The following RAD50 variants were observed in gnomAD, a reference collection of about 807,000 sequenced individuals.
The protein encoded by RAD50 is RAD50 double strand break repair protein.
Under a neutral mutation model 168.8 loss-of-function variants are expected in RAD50, and 132 were observed. The observed-to-expected ratio is 0.78, with a 90% CI of 0.68 to 0.90. The LOEUF is 0.90. Ranked by LOEUF, RAD50 falls within the 40% of genes least tolerant of loss-of-function variation. RAD50 has a pLI of 0.00. For synonymous variants in RAD50, 525 were observed against 497.4 expected (o/e 1.06, Z -0.74); for missense variants, 1,347 against 1,534.4 (o/e 0.88, Z 2.04).
intron 10 of RAD50, 52 bp from the exon 11 acceptor site, chr5:132,591,825 A>G (rs1224114175): frequency 3.0e-6 from 4 of 1,330,982 alleles, no homozygotes; most frequent in African/African-American, 1.5e-5. Context: ...TGTTCTTGAT[A>G]TAATGTGGAG....
chr5:132,559,199 T>C, intron 1 of RAD50, 85 bp from the exon 2 acceptor site: 2 of 1,270,760 alleles, frequency 1.6e-6, no homozygotes, highest in Non-Finnish European at 2.2e-6. Context: ...CCATGATAAA[T>C]AATATTTTTG....
chr5:132,626,233 A>G (rs1024460021), intron 21 of RAD50, among the ~76,000 whole-genome samples: 2 of 152,194 alleles, frequency 1.3e-5, no homozygotes, highest in Admixed American at 1.3e-4. Flanking sequence ...AATCTTAGGT[A>G]TTATGAACAG....
intron 21 of RAD50, among the ~76,000 whole-genome samples, chr5:132,629,863 GAC>G (rs1310164427): frequency 6.6e-6 from 1 of 152,044 alleles, no homozygotes; most frequent in Non-Finnish European, 1.5e-5. Flanking sequence ...AGTGGTCAGA[GAC>G]ACATAGATGA....
rs2149836343 is a variant in RAD50, at chr5:132,575,759, C to T, written c.214-18C>T. 1 of 1,575,024 alleles carries T rather than the reference C, an allele frequency of 6.3e-7. No individual in the cohort carries two copies. Among genetic ancestry groups the T allele is most frequent in the South Asian group, 1.1e-5 (1 of 90,272 alleles). The stretch of plus-strand genomic sequence containing the variant: ...CTTATTAAAGTAACATAAGTTTTTT[C>T]TGTGTTTTCCTTCAAAGGTTGCTCA... On this transcript the variant is annotated intron_variant, in intron 2 of 24. Coordinates refer to ENST00000378823, the MANE Select transcript of RAD50 (RefSeq NM_005732.4).
At chr5:132,641,300 C>T (rs554055711) in intron 24 of RAD50, among the ~76,000 whole-genome samples, 3 of 152,102 alleles carry the variant, frequency 2.0e-5, no homozygotes, top group African/African-American at 4.8e-5. Flanking sequence ...AATTGCACAC[C>T]TTTTACCACA....
At chr5:132,596,948 G>A (rs1369882779) in intron 13 of RAD50, among the ~76,000 whole-genome samples, 1 of 152,208 alleles carries the variant, frequency 6.6e-6, no homozygotes, top group Non-Finnish European at 1.5e-5. Context: ...TATGACCTAT[G>A]CTGCAGTAGA....
At position 132,598,104 on chromosome 5, in the gene RAD50, G is replaced by A. The variant is rs140559565; in HGVS notation, c.2207+2294G>A. Among the ~76,000 whole-genome samples the A allele has an allele frequency of 1.7e-4, 26 of 151,082 alleles. No homozygotes were observed. The East Asian group carries it at 5.1e-3, about 29-fold the overall frequency. On this transcript the variant is annotated intron_variant, in intron 13 of 24. Coordinates refer to ENST00000378823, the MANE Select transcript of RAD50 (RefSeq NM_005732.4). ...GCTTTGTCGCCCAGGCTGGAGTACA[G>A]TGGCGCAGTCTTGGCTCACTGCAAT... is the stretch of plus-strand genomic sequence containing the variant.
chr5:132,586,004 T>A (rs1281614663), intron 5 of RAD50, among the ~76,000 whole-genome samples: 1 of 151,942 alleles, frequency 6.6e-6, no homozygotes, highest in Non-Finnish European at 1.5e-5. Context: ...TCAGGTACAG[T>A]TTATAAACTT....
At chr5:132,632,304 A>G (rs1340902292) in intron 21 of RAD50, among the ~76,000 whole-genome samples, 2 of 152,250 alleles carry the variant, frequency 1.3e-5, no homozygotes, top group Non-Finnish European at 2.9e-5. Context: ...ACCACAGAAC[A>G]CACTTCAAGG....
chr5:132,617,157 C>T (rs1213217799), intron 20 of RAD50, among the ~76,000 whole-genome samples: 3 of 152,078 alleles, frequency 2.0e-5, no homozygotes, highest in African/African-American at 7.2e-5. Flanking sequence ...TTCTTTTACA[C>T]GATACTCTCC....
At chr5:132,610,821 T>C (rs1181362715) in intron 19 of RAD50, among the ~76,000 whole-genome samples, 1 of 152,202 alleles carries the variant, frequency 6.6e-6, no homozygotes, top group East Asian at 1.9e-4. Flanking sequence ...TCTCTGTATA[T>C]ATATACGAAA....
intron 11 of RAD50, chr5:132,592,808 C>A (rs1313849032): frequency 2.1e-6 from 1 of 470,814 alleles, no homozygotes; most frequent in Non-Finnish European, 4.4e-6. Flanking sequence ...TGTTACAATT[C>A]TTTGAAGAAA....
intron 5 of RAD50, among the ~76,000 whole-genome samples, 153 bp downstream of exon 5, chr5:132,580,219 A>C (rs1750482275): frequency 6.6e-6 from 1 of 152,056 alleles, no homozygotes; most frequent in Non-Finnish European, 1.5e-5. Flanking sequence ...CTTAAAATCT[A>C]CTCTCTTAGC....
At chr5:132,606,781 C>T (rs1454917755) in intron 16 of RAD50, among the ~76,000 whole-genome samples, 1 of 152,154 alleles carries the variant, frequency 6.6e-6, no homozygotes, top group Non-Finnish European at 1.5e-5. Context: ...ACGATCAAGT[C>T]GGCTTTATTC....
intron 13 of RAD50, among the ~76,000 whole-genome samples, chr5:132,599,350 C>T (rs919189746): frequency 1.6e-4 from 24 of 152,118 alleles, no homozygotes; most frequent in African/African-American, 5.8e-4. Context: ...AACTTGAAGA[C>T]CCGAAGAGCA....
At chr5:132,633,860 C>G (rs2149861120) in intron 21 of RAD50, among the ~76,000 whole-genome samples, 1 of 152,164 alleles carries the variant, frequency 6.6e-6, no homozygotes, top group East Asian at 1.9e-4. Context: ...TTAATCCTTT[C>G]ATTCATTTGG....
intron 3 of RAD50, 134 bp downstream of exon 3, chr5:132,576,062 T>C: frequency 1.0e-6 from 1 of 974,690 alleles, no homozygotes; most frequent in Non-Finnish European, 1.4e-6. Context: ...TTTATTTTTT[T>C]AGAGCAGTTT....
intron 13 of RAD50, among the ~76,000 whole-genome samples, chr5:132,600,664 A>G (rs968342226): frequency 6.6e-6 from 1 of 152,162 alleles, no homozygotes; most frequent in Non-Finnish European, 1.5e-5. Context: ...TGCAAACTCA[A>G]TTGGTATTTC....
intron 16 of RAD50, among the ~76,000 whole-genome samples, chr5:132,605,558 T>C (rs1750970984): frequency 6.6e-6 from 1 of 152,208 alleles, no homozygotes; most frequent in Non-Finnish European, 1.5e-5. Context: ...TTGTTCAGGC[T>C]GGTCTCAAAC....
Sources: allele counts gnomAD v4.1 joint callset (sites outside exome capture counted in the v4.1 genomes callset), GRCh38; gene constraint gnomAD v4.1.1; transcripts MANE v1.5; gene names NCBI Gene and HGNC (gene_info 2026-07-23, HGNC 2026-07-21).